Variants in RPL4 observed in about 807,000 individuals in gnomAD.
RPL4 encodes the protein ribosomal protein L4.
In RPL4, 3 loss-of-function variants were observed where a neutral mutation model predicts 47.7. That is an observed-to-expected ratio of 0.06 (90% CI 0.03 to 0.16). The LOEUF (loss-of-function observed/expected upper bound fraction) is 0.16, where lower values mean the gene tolerates loss of function less well. Ranked by LOEUF, RPL4 falls within the 10% of genes least tolerant of loss-of-function variation. The probability of loss-of-function intolerance (pLI) is 1.00; values close to 1 mark genes in which losing one functional copy is unlikely to be tolerated. For synonymous variants in RPL4, 208 were observed against 182.1 expected, an observed-to-expected ratio of 1.14 and a Z score of -1.15; for missense variants, 413 against 551.3, an observed-to-expected ratio of 0.75 and a Z score of 2.51.
chr15:66,502,899 G>A (rs759405682), intron 3 of RPL4, 149 bp from the exon 4 acceptor site: 5 of 1,353,826 alleles, frequency 3.7e-6, no homozygotes, highest in Non-Finnish European at 5.3e-6. Context: ...CGCAAATTAC[G>A]ACATCATTGC....
rs11549592 is a variant in RPL4, at chr15:66,502,679, G to A, written c.354C>T (p.Thr118=). 1.2e-6 allele frequency: 2 copies of A among 1,613,652 alleles called. No homozygotes were observed. Among genetic ancestry groups the A allele is most frequent in the Admixed American group, 1.7e-5 (1 of 59,996 alleles). Reference sequence around the variant, plus strand: ...CAGAACAGATGGCGTATCGTTTTTGGGTTGTGTTCACTCTACGATGCCAAC... The same window carrying A: ...CAGAACAGATGGCGTATCGTTTTTGAGTTGTGTTCACTCTACGATGCCAAC... ...WRRWHRRVNT[T]QKRYAICSAL... is the part of the protein sequence containing the mutation. The change falls in exon 4 of 10, where the codon ACC becomes ACT. Residue 118 remains threonine (T), a synonymous_variant. Coordinates refer to ENST00000307961, the MANE Select transcript of RPL4 (RefSeq NM_000968.4).
At position 66,503,525 on chromosome 15, in the gene RPL4, C is replaced by G; in HGVS notation, c.8G>C (p.Cys3Ser). The G allele has an allele frequency of 6.3e-7, 1 of 1,590,940 alleles. No individual in the cohort carries two copies. Among genetic ancestry groups the G allele is most frequent in the Non-Finnish European group, 8.6e-7 (1 of 1,165,100 alleles). The change falls in exon 2 of 10, where the codon TGT becomes TCT. Residue 3 changes from cysteine to serine, a missense_variant. Coordinates refer to ENST00000307961, the MANE Select transcript of RPL4 (RefSeq NM_000968.4). ...GTACACCGATATCAGTGGGCGAGCA[C>G]ACGCCTAAAGAAAAAGACAAGGATT... Reference protein sequence around the residue: MACARPLISVYSE... With the variant: MASARPLISVYSE...
At chr15:66,502,081 C>T in intron 4 of RPL4, 169 bp from the exon 5 acceptor site, 1 of 920,094 alleles carries the variant, frequency 1.1e-6, no homozygotes, top group South Asian at 1.3e-5. Context: ...AGTGGAATCT[C>T]ATCATTTTGA....
intron 7 of RPL4, 129 bp from the exon 8 acceptor site, chr15:66,500,505 TGGACCA>T: frequency 1.2e-6 from 1 of 822,654 alleles, no homozygotes; most frequent in Non-Finnish European, 2.0e-6. Flanking sequence ...CTCATAAACA[TGGACCA>T]GGCCGGGTGT....
chr15:66,502,600 A>C lies in RPL4; in HGVS notation c.421+12T>G. 1 of 1,609,340 alleles carries C rather than the reference A, an allele frequency of 6.2e-7. No individual in the cohort carries two copies. Among genetic ancestry groups the C allele is most frequent in the Non-Finnish European group, 8.5e-7 (1 of 1,179,126 alleles). ...TCTTCTATCAAACTCTCTTATATAA[A>C]GTATTACAAACCTTTAGACATGACC... On this transcript the variant is annotated intron_variant, in intron 4 of 9. Coordinates refer to ENST00000307961, the MANE Select transcript of RPL4 (RefSeq NM_000968.4).
rs112597666 is a variant in RPL4, at chr15:66,499,807, T to C, written c.1039-155A>G. On this transcript the variant is annotated intron_variant, in intron 9 of 9. Transcript: ENST00000307961. The stretch of plus-strand genomic sequence containing the variant: ...GGGAGGCCGAGGCAGGTGAATCACC[T>C]GAGGTCAGGAGTTTGAGACCAGCCT... 1,980 of 1,066,092 alleles carry C rather than the reference T, an allele frequency of 1.9e-3. 37 individuals carry two copies. The African/African-American group carries it at 0.029, about 15-fold the overall frequency. The allele number at this position is 1,066,092 out of a possible 1,614,324, so 66.0% of individuals were successfully genotyped here.
At chr15:66,503,985 A>G (rs1295657998) in intron 1 of RPL4, among the ~76,000 whole-genome samples, 1 of 151,876 alleles carries the variant, frequency 6.6e-6, no homozygotes, top group Non-Finnish European at 1.5e-5. Flanking sequence ...CCCAACTGTG[A>G]GTAAACTGAA....
chr15:66,502,808 T>C, intron 3 of RPL4, 58 bp from the exon 4 acceptor site: 1 of 1,613,060 alleles, frequency 6.2e-7, no homozygotes, highest in East Asian at 2.2e-5. Context: ...ACAAGGTTAT[T>C]TCTTGCTCAG....
Position 66,501,113 on chromosome 15 carries a change from A to G in RPL4, c.677-8T>C. ...CATTAAGCAGAGTAATTCCTTTTAA[A>G]GGGAAAGAAAAATTAGGGAGCCTGT... On this transcript the variant is annotated splice_region_variant and splice_polypyrimidine_tract_variant and intron_variant, in intron 6 of 9. Transcript: ENST00000307961. The G allele has an allele frequency of 1.9e-6, 3 of 1,608,744 alleles. No homozygotes were observed. The highest frequency in any genetic ancestry group is 2.2e-5 in the South Asian group (2 of 89,600).
chr15:66,504,728 A>G (rs1164079114), intron 1 of RPL4, 60 bp downstream of exon 1: 2 of 1,602,932 alleles, frequency 1.2e-6, no homozygotes, highest in South Asian at 1.1e-5. Context: ...CCGAACCCCA[A>G]ATCCTTCCTT....
intron 2 of RPL4, 61 bp from the exon 3 acceptor site, chr15:66,503,225 T>C (rs1322149054): frequency 6.3e-7 from 1 of 1,576,610 alleles, no homozygotes; most frequent in Non-Finnish European, 8.7e-7. Flanking sequence ...CCCATGACTA[T>C]TATGCATGGT....
At chr15:66,500,463 T>C (rs1893587765) in intron 7 of RPL4, 87 bp from the exon 8 acceptor site, 2 of 1,152,568 alleles carry the variant, frequency 1.7e-6, no homozygotes, top group East Asian at 2.3e-5. Flanking sequence ...TTAGCCACTA[T>C]GCTCTCCAAA....
intron 3 of RPL4, 52 bp downstream of exon 3, chr15:66,503,006 C>A: frequency 6.6e-7 from 1 of 1,526,436 alleles, no homozygotes. Flanking sequence ...CAGACCCAGG[C>A]CGCTAAATTC....
Position 66,504,814 on chromosome 15 carries a change from C to T in RPL4, c.-24G>A, listed in dbSNP as rs371027636. ...ATGGCGGAGAGAGGAGACAGCCACG[C>T]TCCTCTCAGCCCGGCTGCTGCCACA... On this transcript the variant is annotated 5_prime_UTR_variant, in exon 1 of 10. Transcript: ENST00000307961. The T allele has an allele frequency of 2.9e-5, 47 of 1,610,726 alleles. 1 individual carries two copies. The highest frequency in any genetic ancestry group is 9.3e-5 in the African/African-American group (7 of 74,996).
At position 66,499,138 on chromosome 15, in the gene RPL4, A is replaced by G; in HGVS notation, c.*269T>C. On this transcript the variant is annotated 3_prime_UTR_variant, in exon 10 of 10. Transcript: ENST00000307961. ...CTGTTACACCTATTTTTCAAGCCAC[A>G]TTATTTAGAAAACCACAACTTTTTT... is the stretch of plus-strand genomic sequence containing the variant. The G allele has an allele frequency of 2.8e-6, 1 of 357,314 alleles. No homozygotes were observed. Among genetic ancestry groups the G allele is most frequent in the East Asian group, 5.6e-5 (1 of 17,768 alleles). The allele number at this position is 357,314 out of a possible 1,614,324, so 22.1% of individuals were successfully genotyped here. A position where few individuals can be genotyped will look rare whatever the true frequency, so the allele number is the denominator to read the frequency against.
chr15:66,500,251 T>A (rs1446553499), intron 8 of RPL4, 42 bp downstream of exon 8: 3 of 1,613,470 alleles, frequency 1.9e-6, no homozygotes, highest in Admixed American at 1.7e-5. Context: ...CAACCAATAG[T>A]ATAGGGTTGG....
chr15:66,503,604 C>A, intron 1 of RPL4, 75 bp from the exon 2 acceptor site: 1 of 1,416,152 alleles, frequency 7.1e-7, no homozygotes, highest in African/African-American at 1.4e-5. Flanking sequence ...GCCAACAATA[C>A]CATTAAATAC....
chr15:66,501,632 A>C (rs1291501559), intron 5 of RPL4, 128 bp from the exon 6 acceptor site: 8 of 1,502,310 alleles, frequency 5.3e-6, no homozygotes, highest in East Asian at 2.3e-5. Flanking sequence ...ACAGAGCCAT[A>C]AACAGCAGTT....
Position 66,501,703 on chromosome 15 carries a change from G to C in RPL4, c.546+85C>G, listed in dbSNP as rs1418379915. 2.9e-5 allele frequency: 46 copies of C among 1,563,900 alleles called. 1 individual carries two copies. The highest frequency in any genetic ancestry group is 2.4e-4 in the Middle Eastern group (1 of 4,230). On this transcript the variant is annotated intron_variant, in intron 5 of 9. Coordinates refer to ENST00000307961, the MANE Select transcript of RPL4 (RefSeq NM_000968.4). ...TTGTTCTCTCACACATTAAGGATTA[G>C]CTATACTGCCCTTATCTTCTGAAAT... is the stretch of plus-strand genomic sequence containing the variant.
Sources: gnomAD v4.1 joint callset for allele counts (sites outside exome capture counted in the v4.1 genomes callset) on GRCh38, gnomAD v4.1.1 for gene constraint, MANE v1.5 for transcripts, NCBI Gene and HGNC (gene_info 2026-07-23, HGNC 2026-07-21) for gene names.